PRTG: variants seen among roughly 807,000 people sequenced by gnomAD.
PRTG encodes the protein immunoglobulin superfamily, DCC subclass, member 5.
Under a neutral mutation model 122.5 loss-of-function variants are expected in PRTG, and 67 were observed. That is an observed-to-expected ratio of 0.55 (90% CI 0.45 to 0.67). The LOEUF (loss-of-function observed/expected upper bound fraction) is 0.67. PRTG is among the 30% of genes least tolerant of loss of function. The probability of loss-of-function intolerance (pLI) is 0.00; values close to 1 mark genes in which losing one functional copy is unlikely to be tolerated. For missense variants in PRTG, 1,435 were observed against 1,415.4 expected, an observed-to-expected ratio of 1.01 and a Z score of -0.22; for synonymous variants, 554 against 501.1, an observed-to-expected ratio of 1.11 and a Z score of -1.41.
intron 2 of PRTG, among the ~76,000 whole-genome samples, chr15:55,707,926 G>T (rs1302345730): frequency 2.6e-5 from 4 of 152,098 alleles, no homozygotes; most frequent in African/African-American, 9.7e-5. Context: ...GCTTAATAGA[G>T]ACCCTGAGTT....
chr15:55,664,343 A>G (rs1327223940), intron 11 of PRTG, among the ~76,000 whole-genome samples: 2 of 152,020 alleles, frequency 1.3e-5, no homozygotes, highest in Non-Finnish European at 2.9e-5. Context: ...GGGTTTCACC[A>G]TGTTGGCCAA....
In PRTG at chr15:55,677,734, T is replaced by C. The variant is rs1043228973; in HGVS notation, c.1381+63A>G. On this transcript the variant is annotated intron_variant, in intron 8 of 19. Coordinates refer to ENST00000389286, the MANE Select transcript of PRTG (RefSeq NM_173814.6). ...TATGGATTATGTAAGGCATTATTCG[T>C]ACTGAAAACAAATCCTTGATAGCAA... 5.3e-6 allele frequency: 8 copies of C among 1,508,854 alleles called. No individual in the cohort carries two copies. In the African/African-American group the frequency reaches 8.3e-5, roughly 16 times the overall value. The allele number at this position is 1,508,854 out of a possible 1,614,324, so 93.5% of individuals were successfully genotyped here.
At chr15:55,697,945 G>A (rs954978613) in intron 2 of PRTG, among the ~76,000 whole-genome samples, 11 of 152,000 alleles carry the variant, frequency 7.2e-5, no homozygotes, top group African/African-American at 2.7e-4. Flanking sequence ...CTATTATCTT[G>A]CTGGACATAA....
rs1416931395 is a variant in PRTG at position 55,614,021 on chromosome 15, A to G, written c.*5991T>C. On this transcript the variant is annotated 3_prime_UTR_variant, in exon 20 of 20. Coordinates refer to ENST00000389286, the MANE Select transcript of PRTG (RefSeq NM_173814.6). ...CAAATGGCATCATATTACTTCCTAG[A>G]GTCGGGAGAAGTTGTAAAATGACCA... 6.6e-6 allele frequency: 1 copy of G among 152,092 alleles called. No individual in the cohort carries two copies. The highest frequency in any genetic ancestry group is 1.5e-5 in the Non-Finnish European group (1 of 67,964). The allele number at this position is 152,092 out of a possible 1,614,324, so 9.4% of individuals were successfully genotyped here.
At chr15:55,728,825 A>G (rs1392450987) in intron 2 of PRTG, among the ~76,000 whole-genome samples, 2 of 152,244 alleles carry the variant, frequency 1.3e-5, no homozygotes, top group Non-Finnish European at 2.9e-5. Context: ...CATAGATTAT[A>G]TGATCCTATT....
chr15:55,652,578 G>C (rs1192064056), intron 11 of PRTG, among the ~76,000 whole-genome samples: 2 of 152,110 alleles, frequency 1.3e-5, no homozygotes, highest in Non-Finnish European at 2.9e-5. Flanking sequence ...CAGCGGTACG[G>C]CCTGCTCTGA....
At chr15:55,698,317 GTCTC>G (rs1054753837) in intron 2 of PRTG, among the ~76,000 whole-genome samples, 1 of 152,032 alleles carries the variant, frequency 6.6e-6, no homozygotes, top group African/African-American at 2.4e-5. Flanking sequence ...CTTAGACAGG[GTCTC>G]TCTCTGTCAC....
intron 2 of PRTG, among the ~76,000 whole-genome samples, chr15:55,716,980 T>C (rs80005828): frequency 0.02 from 3,089 of 152,198 alleles, 109 homozygotes; most frequent in African/African-American, 0.069. Flanking sequence ...AGGTACAAAA[T>C]GGAGTAGCTA....
intron 3 of PRTG, among the ~76,000 whole-genome samples, chr15:55,683,344 A>G (rs1187405240): frequency 6.6e-6 from 1 of 152,086 alleles, no homozygotes; most frequent in African/African-American, 2.4e-5. Context: ...CCCGCAGAAC[A>G]CTAGATGTGT....
rs1363048839 is a variant in PRTG at position 55,679,426 on chromosome 15, T to C, written c.993A>G (p.Glu331=). ...GAGGCCTTGTTAAACTTTCTGGCCATTCAACAAATGAAGGAGGAGCTATTT... is the reference window on the plus strand; with the variant it reads ...GAGGCCTTGTTAAACTTTCTGGCCACTCAACAAATGAAGGAGGAGCTATTT... ...LTVLAPPSFV[E]WPESLTRPRA... The change falls in exon 7 of 20, where the codon GAA becomes GAG. Residue 331 remains glutamate, a synonymous_variant. Coordinates refer to ENST00000389286, the MANE Select transcript of PRTG (RefSeq NM_173814.6). 1 of 1,609,988 alleles carries C rather than the reference T, an allele frequency of 6.2e-7. No homozygotes were observed. The highest frequency in any genetic ancestry group is 8.5e-7 in the Non-Finnish European group (1 of 1,178,080).
rs558367972 is a variant in PRTG at position 55,661,361 on chromosome 15, T to C, written c.2041+11084A>G. ...CTGGTATTTCACCTTATAAACTGAT[T>C]AAAACAACAACAGCAGCAACACAGC... On this transcript the variant is annotated intron_variant, in intron 11 of 19. Coordinates refer to ENST00000389286, the MANE Select transcript of PRTG (RefSeq NM_173814.6). Among the ~76,000 whole-genome samples, 22 of 152,234 alleles carry C rather than the reference T, an allele frequency of 1.4e-4. No homozygotes were observed. In the South Asian group the frequency reaches 4.6e-3, roughly 32 times the overall value.
intron 2 of PRTG, among the ~76,000 whole-genome samples, chr15:55,713,354 CA>C (rs2030468293): frequency 6.6e-6 from 1 of 152,152 alleles, no homozygotes; most frequent in African/African-American, 2.4e-5. Context: ...ATTTATTAGC[CA>C]TTTTCTTACT....
chr15:55,738,570 A>C (rs1025547016), intron 2 of PRTG: 1 of 698,504 alleles, frequency 1.4e-6, no homozygotes, highest in Non-Finnish European at 2.6e-6. Context: ...AAAGGTGGGA[A>C]AATAACAACT....
intron 2 of PRTG, among the ~76,000 whole-genome samples, chr15:55,687,447 C>G (rs752749151): frequency 6.6e-6 from 1 of 152,186 alleles, no homozygotes; most frequent in Non-Finnish European, 1.5e-5. Flanking sequence ...ACATAGGCAA[C>G]TGAGTGTTGT....
At chr15:55,737,352 T>A (rs1377652745) in intron 2 of PRTG, among the ~76,000 whole-genome samples, 16 of 152,228 alleles carry the variant, frequency 1.1e-4, no homozygotes, top group African/African-American at 3.9e-4. Flanking sequence ...AAAAATGGGA[T>A]GCCTTAGCAA....
chr15:55,687,403 T>A (rs185859450), intron 2 of PRTG, among the ~76,000 whole-genome samples: 94 of 152,296 alleles, frequency 6.2e-4, no homozygotes, highest in African/African-American at 2.0e-3. Context: ...ATAAAAATGA[T>A]CACTCTGCTG....
chr15:55,690,652 T>TA (rs987572768), intron 2 of PRTG, among the ~76,000 whole-genome samples: 6 of 151,214 alleles, frequency 4.0e-5, no homozygotes, highest in South Asian at 2.1e-4. Context: ...TTACAAAATT[T>TA]AAAAAAAAAT....
chr15:55,648,874 G>A (rs1221720021), intron 11 of PRTG, among the ~76,000 whole-genome samples: 3 of 151,958 alleles, frequency 2.0e-5, no homozygotes, highest in Non-Finnish European at 2.9e-5. Flanking sequence ...CAAGGCGGGC[G>A]GATTATGACG....
At chr15:55,671,549 T>C (rs114661974) in intron 11 of PRTG, among the ~76,000 whole-genome samples, 1,836 of 152,258 alleles carry the variant, frequency 0.012, 44 homozygotes, top group African/African-American at 0.042. Context: ...GGCTGGAGCG[T>C]AGTGGCGCGA....
Sources: allele counts gnomAD v4.1 joint callset (sites outside exome capture counted in the v4.1 genomes callset), GRCh38; gene constraint gnomAD v4.1.1; transcripts MANE v1.5; gene names NCBI Gene and HGNC (gene_info 2026-07-23, HGNC 2026-07-21).